Variants in ZNF34 observed in about 807,000 individuals in gnomAD.
ZNF34 encodes the protein zinc finger protein 34 (KOX 32).
Under a neutral mutation model 14.4 loss-of-function variants are expected in ZNF34, and 8 were observed. The observed-to-expected ratio is 0.55, with a 90% CI of 0.33 to 1.00. ZNF34 has a LOEUF of 1.00. Among genes scored for constraint, ZNF34 ranks in the 50% least tolerant of loss-of-function variants. ZNF34 has a pLI of 0.03. For synonymous variants in ZNF34, 235 were observed against 247.9 expected (o/e 0.95, Z 0.49); for missense variants, 538 against 674.2 (o/e 0.80, Z 2.24).
intron 2 of ZNF34, 134 bp downstream of exon 2, chr8:144,780,094 G>C (rs1825770061): frequency 1.6e-6 from 1 of 640,258 alleles, no homozygotes. Flanking sequence ...CTACTTGGGA[G>C]GCTGAGGTGG....
intron 1 of ZNF34, among the ~76,000 whole-genome samples, chr8:144,786,567 G>C (rs1445721849): frequency 1.3e-5 from 2 of 151,768 alleles, no homozygotes; most frequent in Admixed American, 6.6e-5. Flanking sequence ...TCGGGAGGCG[G>C]AAGGTGCATT....
At chr8:144,781,728 C>G (rs1303840867) in intron 1 of ZNF34, among the ~76,000 whole-genome samples, 1 of 152,140 alleles carries the variant, frequency 6.6e-6, no homozygotes, top group East Asian at 1.9e-4. Context: ...AAAACAATTT[C>G]TATCCATATT....
At chr8:144,774,744 G>A (rs2955202) in intron 5 of ZNF34, 139 bp from the exon 6 acceptor site, 456,048 of 1,008,238 alleles carry the variant, frequency 0.45, 109,042 homozygotes, top group East Asian at 0.7. Context: ...AGAGCCTGGA[G>A]CTCAGAGGCT....
intron 5 of ZNF34, among the ~76,000 whole-genome samples, chr8:144,775,499 A>G (rs1056693052): frequency 6.6e-6 from 1 of 151,318 alleles, no homozygotes; most frequent in African/African-American, 2.4e-5. Context: ...AAGGGAACAT[A>G]AGTTGTGGTG....
intron 1 of ZNF34, among the ~76,000 whole-genome samples, chr8:144,783,354 T>G (rs1312364124): frequency 6.6e-6 from 1 of 152,188 alleles, no homozygotes; most frequent in Non-Finnish European, 1.5e-5. Flanking sequence ...ACCCTGCTGC[T>G]ATTCAACATC....
At chr8:144,776,911 C>CAA (rs149216566) in intron 5 of ZNF34, among the ~76,000 whole-genome samples, 3 of 100,886 alleles carry the variant, frequency 3.0e-5, no homozygotes, top group Non-Finnish European at 4.0e-5. Context: ...GACCCTGTCT[C>CAA]AAAAAAAAAA....
chr8:144,784,019 C>G (rs986489540), intron 1 of ZNF34, among the ~76,000 whole-genome samples: 360 of 152,008 alleles, frequency 2.4e-3, no homozygotes, highest in African/African-American at 7.7e-3. Flanking sequence ...ATTAGCCCGG[C>G]CATGGTGGCA....
At chr8:144,786,294 T>TA (rs1212480467) in intron 1 of ZNF34, among the ~76,000 whole-genome samples, 1 of 151,016 alleles carries the variant, frequency 6.6e-6, no homozygotes, top group Non-Finnish European at 1.5e-5. Flanking sequence ...CTGCCATACA[T>TA]ATGTAGATTT....
At position 144,773,086 on chromosome 8, in the gene ZNF34, CA is replaced by C; in HGVS notation, c.*179del. On this transcript the variant is annotated 3_prime_UTR_variant, in exon 6 of 6. Coordinates refer to ENST00000429371, the MANE Select transcript of ZNF34 (RefSeq NM_001286769.2). This position sits in a 1 kb window ranked among gnomAD's most constrained non-coding sequence, Gnocchi z 5.4. ...TTCTTTTTTGCCCACTTTTCTGTCT[CA>C]ATTTCTCTAAAATGAACATGCACTG... 1.5e-6 allele frequency: 1 copy of C among 671,246 alleles called. No homozygotes were observed. The highest frequency in any genetic ancestry group is 2.3e-6 in the Non-Finnish European group (1 of 443,878). 41.6% of individuals were successfully genotyped at this position (671,246 alleles called of 1,614,324 possible).
intron 5 of ZNF34, among the ~76,000 whole-genome samples, chr8:144,776,817 T>C (rs1353815322): frequency 6.9e-6 from 1 of 144,992 alleles, no homozygotes; most frequent in African/African-American, 2.6e-5. Flanking sequence ...GAGGCTGAGA[T>C]GGGAGGATCG....
At chr8:144,782,601 G>T (rs538339900) in intron 1 of ZNF34, among the ~76,000 whole-genome samples, 41 of 152,084 alleles carry the variant, frequency 2.7e-4, no homozygotes, top group African/African-American at 9.2e-4. Context: ...ACTTTGGGAG[G>T]CCAGGGCAGG....
At position 144,773,146 on chromosome 8, in the gene ZNF34, G is replaced by C; in HGVS notation, c.*120C>G. The C allele has an allele frequency of 9.0e-7, 1 of 1,111,672 alleles. No homozygotes were observed. The allele number at this position is 1,111,672 out of a possible 1,614,324, so 68.9% of individuals were successfully genotyped here. Reference sequence around the variant, plus strand: ...TTAAGAAAAGAGGTTTGTTTAATGAGAAACGTCCTTTCACTCTGTGAAAAC... The same window carrying C: ...TTAAGAAAAGAGGTTTGTTTAATGACAAACGTCCTTTCACTCTGTGAAAAC... On this transcript the variant is annotated 3_prime_UTR_variant, in exon 6 of 6. Coordinates refer to ENST00000429371, the MANE Select transcript of ZNF34 (RefSeq NM_001286769.2). The surrounding 1 kb of genome is among the most constrained non-coding windows in gnomAD (Gnocchi z 5.4).
rs749860462 is a variant in ZNF34 at position 144,774,099 on chromosome 8, A to T, written c.787T>A (p.Cys263Ser). 6.2e-7 allele frequency: 1 copy of T among 1,613,908 alleles called. No individual in the cohort carries two copies. Among genetic ancestry groups the T allele is most frequent in the Non-Finnish European group, 8.5e-7 (1 of 1,179,970 alleles). Residue 263 changes from cysteine (C) to serine (S), a missense_variant, in exon 6 of 6, where the codon TGT (cysteine) becomes AGT (serine). By Grantham distance (112) the Cys-to-Ser change is moderately radical (BLOSUM62 -1). Coordinates refer to ENST00000429371, the MANE Select transcript of ZNF34 (RefSeq NM_001286769.2). ...TEEKPYKCDE[C>S]GKAFSQSCEF... ...CAGCTCTGGCTGAAGGCTTTCCCACACTCATCACATTTGTAGGGCTTCTCT... is the reference window on the plus strand; with the variant it reads ...CAGCTCTGGCTGAAGGCTTTCCCACTCTCATCACATTTGTAGGGCTTCTCT...
intron 1 of ZNF34, chr8:144,785,651 T>C (rs938937084): frequency 6.6e-6 from 1 of 152,172 alleles, no homozygotes; most frequent in South Asian, 2.1e-4. Context: ...TGGGGAAATA[T>C]AAAATACTTC....
chr8:144,781,120 G>A (rs1825850398), intron 1 of ZNF34, among the ~76,000 whole-genome samples: 1 of 128,890 alleles, frequency 7.8e-6, no homozygotes, highest in South Asian at 2.7e-4. Flanking sequence ...GGGCGACAGA[G>A]CGAGACTCCA....
intron 5 of ZNF34, among the ~76,000 whole-genome samples, chr8:144,775,140 C>G (rs1424666684): frequency 6.6e-6 from 1 of 152,240 alleles, no homozygotes; most frequent in African/African-American, 2.4e-5. Flanking sequence ...CTCATGACTG[C>G]CACTTTCATT....
chr8:144,773,209 CG>C lies in ZNF34; in HGVS notation c.*56del. 1 of 1,522,762 alleles carries C rather than the reference CG, an allele frequency of 6.6e-7. No homozygotes were observed. Among genetic ancestry groups the C allele is most frequent in the Non-Finnish European group, 8.8e-7 (1 of 1,132,118 alleles). The allele number at this position is 1,522,762 out of a possible 1,614,324, so 94.3% of individuals were successfully genotyped here. On this transcript the variant is annotated 3_prime_UTR_variant, in exon 6 of 6. Coordinates refer to ENST00000429371, the MANE Select transcript of ZNF34 (RefSeq NM_001286769.2). This position sits in a 1 kb window ranked among gnomAD's most constrained non-coding sequence, Gnocchi z 5.4. ...ATACATAAAGGGCAGAGTCAGGTGC[CG>C]GGGGCGCATGCAGGAAGTGCTCAGC...
intron 2 of ZNF34, 25 bp from the exon 3 acceptor site, chr8:144,778,550 G>A: frequency 6.6e-7 from 1 of 1,522,298 alleles, no homozygotes; most frequent in Non-Finnish European, 8.8e-7. Flanking sequence ...CGCAACAAGT[G>A]GAGGCCCAGT....
intron 1 of ZNF34, among the ~76,000 whole-genome samples, chr8:144,782,842 CAAAAA>C (rs548252812): frequency 6.0e-3 from 138 of 22,874 alleles, no homozygotes; most frequent in African/African-American, 0.042. Context: ...AAGCCTATCT[CAAAAA>C]AAAAAAAAAA....
Sources: gnomAD v4.1 joint callset for allele counts (sites outside exome capture counted in the v4.1 genomes callset) on GRCh38, gnomAD v4.1.1 for gene constraint, Gnocchi (gnomAD v3.1) non-coding constraint, MANE v1.5 for transcripts, NCBI Gene and HGNC (gene_info 2026-07-23, HGNC 2026-07-21) for gene names.